Variants in CLEC16A observed in about 807,000 individuals in gnomAD.
The protein encoded by CLEC16A is protein CLEC16A.
CLEC16A carries 51 observed loss-of-function variants against 109.5 expected under a neutral mutation model. That is an observed-to-expected ratio of 0.47 (90% CI 0.37 to 0.59). The LOEUF is 0.59. CLEC16A is among the 20% of genes least tolerant of loss of function. CLEC16A has a pLI of 0.00. For missense variants in CLEC16A, 1,339 were observed against 1,394.0 expected (o/e 0.96, Z 0.63); for synonymous variants, 673 against 564.2 (o/e 1.19, Z -2.73).
At chr16:11,064,536 G>C (rs186472733) in intron 19 of CLEC16A, among the ~76,000 whole-genome samples, 1 of 152,326 alleles carries the variant, frequency 6.6e-6, no homozygotes, top group Non-Finnish European at 1.5e-5. Context: ...CAGCACTTTG[G>C]GAGTCTGAAG....
rs200532697 is a variant in CLEC16A at position 11,039,895 on chromosome 16, G to C, written c.1660+19G>C. The C allele has an allele frequency of 1.7e-4, 275 of 1,610,538 alleles. 1 individual carries two copies. In the African/African-American group the frequency reaches 3.3e-3, roughly 20 times the overall value. Reference sequence around the variant, plus strand: ...CAGCCAGGTGCCCACTTGGGGTGTTGTCTGTCCACAGGGCCACGCAGTTGT... The same window carrying C: ...CAGCCAGGTGCCCACTTGGGGTGTTCTCTGTCCACAGGGCCACGCAGTTGT... On this transcript the variant is annotated intron_variant, in intron 14 of 23. Coordinates refer to ENST00000409790, the MANE Select transcript of CLEC16A (RefSeq NM_015226.3).
intron 18 of CLEC16A, 148 bp downstream of exon 18, chr16:11,051,789 G>A (rs543997004): frequency 1.1e-4 from 114 of 1,051,540 alleles, no homozygotes; most frequent in Middle Eastern, 6.4e-4. Context: ...TTTGCCCCCA[G>A]GCATGACTTT....
At chr16:11,117,377 C>A (rs1461579991) in intron 19 of CLEC16A, among the ~76,000 whole-genome samples, 2 of 152,134 alleles carry the variant, frequency 1.3e-5, no homozygotes, top group South Asian at 2.1e-4. Flanking sequence ...TAATCAGAGG[C>A]TTCTGTTAAT....
In CLEC16A at chr16:11,039,842, A is replaced by T; in HGVS notation, c.1626A>T (p.Arg542Ser). The T allele has an allele frequency of 3.7e-6, 6 of 1,612,752 alleles. No homozygotes were observed. The highest frequency in any genetic ancestry group is 5.1e-6 in the Non-Finnish European group (6 of 1,179,498). The change falls in exon 14 of 24, where the codon AGA becomes AGT. Residue 542 changes from arginine (R) to serine (S), a missense_variant. Arg to Ser is a moderately radical substitution (Grantham distance 110, BLOSUM62 -1). Coordinates refer to ENST00000409790, the MANE Select transcript of CLEC16A (RefSeq NM_015226.3). ...CCTACAACCACCCGCTAGCTGAAAG[A>T]CTCATCAGGATCATGAACAACGCTG... ...KTTYNHPLAE[R>S]LIRIMNNAAQ... is the part of the protein sequence containing the mutation.
At chr16:11,063,544 G>A (rs992470538) in intron 19 of CLEC16A, among the ~76,000 whole-genome samples, 1 of 152,064 alleles carries the variant, frequency 6.6e-6, no homozygotes, top group Admixed American at 6.5e-5. Context: ...CATGTGGTCT[G>A]CTAGGCTTAA....
intron 22 of CLEC16A, among the ~76,000 whole-genome samples, chr16:11,160,612 G>A (rs1175470688): frequency 1.3e-5 from 2 of 152,078 alleles, no homozygotes; most frequent in African/African-American, 4.8e-5. Context: ...CCCGTCCCTT[G>A]TCCCTAGGGG....
At chr16:11,005,826 T>C (rs971256073) in intron 11 of CLEC16A, among the ~76,000 whole-genome samples, 4 of 150,842 alleles carry the variant, frequency 2.7e-5, no homozygotes, top group African/African-American at 9.8e-5. Context: ...GGGCAGTGCC[T>C]AGAAGATGCG....
intron 5 of CLEC16A, chr16:10,971,559 G>T (rs945176073): frequency 2.3e-5 from 23 of 980,182 alleles, no homozygotes; most frequent in Admixed American, 6.2e-5. Context: ...TTAAATTTTT[G>T]TGTCTTGGCT....
chr16:11,023,497 C>T (rs1271307773), intron 12 of CLEC16A, among the ~76,000 whole-genome samples: 1 of 151,824 alleles, frequency 6.6e-6, no homozygotes, highest in Admixed American at 6.6e-5. Context: ...CCATCTGGGG[C>T]TGTGGAGAAA....
chr16:11,031,572 G>A (rs532398211), intron 13 of CLEC16A, among the ~76,000 whole-genome samples: 49 of 152,284 alleles, frequency 3.2e-4, no homozygotes, highest in African/African-American at 1.1e-3. Context: ...CTAATGCTAT[G>A]CATGTATTGA....
chr16:11,167,894 C>G (rs1384898600), intron 23 of CLEC16A, among the ~76,000 whole-genome samples: 2 of 152,196 alleles, frequency 1.3e-5, no homozygotes, highest in African/African-American at 4.8e-5. Context: ...TAAGACGCAC[C>G]CTCAGTAGCC....
intron 9 of CLEC16A, among the ~76,000 whole-genome samples, chr16:10,981,492 C>A (rs973900330): frequency 2.6e-5 from 4 of 152,150 alleles, no homozygotes; most frequent in African/African-American, 2.4e-5. Context: ...TCTGCCTGTA[C>A]CTTTTATCTA....
intron 19 of CLEC16A, among the ~76,000 whole-genome samples, chr16:11,109,696 G>T (rs981115911): frequency 6.6e-6 from 1 of 152,188 alleles, no homozygotes; most frequent in African/African-American, 2.4e-5. Flanking sequence ...TGCAGCCACG[G>T]GCCCTCCAGG....
chr16:10,985,547 C>CTT (rs61260965), intron 10 of CLEC16A, among the ~76,000 whole-genome samples: 21 of 144,626 alleles, frequency 1.5e-4, no homozygotes, highest in East Asian at 6.0e-4. Context: ...TCCCTCGGGA[C>CTT]TTTTTTTTTT....
intron 19 of CLEC16A, among the ~76,000 whole-genome samples, chr16:11,068,068 G>A (rs1170148296): frequency 6.6e-6 from 1 of 152,178 alleles, no homozygotes; most frequent in African/African-American, 2.4e-5. Flanking sequence ...GTCAGGCTGC[G>A]GTTATGGAGG....
chr16:10,990,391 G>A (rs541136697), intron 10 of CLEC16A, among the ~76,000 whole-genome samples: 11 of 152,344 alleles, frequency 7.2e-5, no homozygotes, highest in Middle Eastern at 3.4e-3. Context: ...AAACAGTTGC[G>A]TCTCTCTGTT....
intron 10 of CLEC16A, among the ~76,000 whole-genome samples, chr16:10,996,114 A>G (rs971048501): frequency 2.2e-4 from 33 of 152,174 alleles, no homozygotes; most frequent in Non-Finnish European, 3.4e-4. Flanking sequence ...CTCGCCAACA[A>G]CTGCTTTCTC....
chr16:11,081,396 C>A (rs2049707870), intron 19 of CLEC16A, among the ~76,000 whole-genome samples: 1 of 152,156 alleles, frequency 6.6e-6, no homozygotes, highest in Non-Finnish European at 1.5e-5. Flanking sequence ...TCCTGGGCAC[C>A]CAGCCACATC....
At chr16:11,023,247 T>C (rs1206983704) in intron 12 of CLEC16A, among the ~76,000 whole-genome samples, 2 of 152,112 alleles carry the variant, frequency 1.3e-5, no homozygotes, top group African/African-American at 4.8e-5. Flanking sequence ...TATTCTACCC[T>C]GCGTAAACAA....
Sources: gnomAD v4.1 joint callset for allele counts (sites outside exome capture counted in the v4.1 genomes callset) on GRCh38, gnomAD v4.1.1 for gene constraint, MANE v1.5 for transcripts, NCBI Gene and HGNC (gene_info 2026-07-23, HGNC 2026-07-21) for gene names.